MALT1: variants seen among roughly 807,000 people sequenced by gnomAD.
The protein encoded by MALT1 is mucosa-associated lymphoid tissue lymphoma translocation protein 1.
Under a neutral mutation model 85.5 loss-of-function variants are expected in MALT1, and 36 were observed. The ratio of observed to expected loss-of-function variants is 0.42; its 90% CI spans 0.32 to 0.56. The LOEUF is 0.56. MALT1 is among the 20% of genes least tolerant of loss of function. The pLI, the probability that MALT1 is intolerant of heterozygous loss-of-function variation, is 0.10. For missense variants in MALT1, 716 were observed against 981.6 expected (o/e 0.73, Z 3.62); for synonymous variants, 359 against 361.3 (o/e 0.99, Z 0.07).
intron 9 of MALT1, among the ~76,000 whole-genome samples, chr18:58,716,514 A>G (rs888938340): frequency 1.3e-5 from 2 of 152,254 alleles, no homozygotes; most frequent in Non-Finnish European, 2.9e-5. Flanking sequence ...CAGAAGCCAG[A>G]TAAAATATGT....
At position 58,745,807 on chromosome 18, in the gene MALT1, G is replaced by A; in HGVS notation, c.2037+16G>A. 2 of 1,601,758 alleles carry A rather than the reference G, an allele frequency of 1.2e-6. No homozygotes were observed. On this transcript the variant is annotated intron_variant, in intron 16 of 16. Transcript: ENST00000649217. ...AAAATTAAAGGTTACTACCTTTTCT[G>A]TTTATAGCTACTAATGGAAAACTTT...
At chr18:58,709,777 G>T (rs1204791805) in intron 5 of MALT1, among the ~76,000 whole-genome samples, 199 bp from the exon 6 acceptor site, 1 of 152,114 alleles carries the variant, frequency 6.6e-6, no homozygotes, top group East Asian at 1.9e-4. Flanking sequence ...AAATAGTATT[G>T]CATGAAACTC....
intron 6 of MALT1, among the ~76,000 whole-genome samples, chr18:58,710,595 G>A (rs973870910): frequency 2.6e-5 from 4 of 152,092 alleles, no homozygotes; most frequent in African/African-American, 4.8e-5. Flanking sequence ...GCTAAGGTGG[G>A]AGGATTGCTT....
At chr18:58,731,884 C>T (rs987984160) in intron 10 of MALT1, among the ~76,000 whole-genome samples, 1 of 152,114 alleles carries the variant, frequency 6.6e-6, no homozygotes, top group Non-Finnish European at 1.5e-5. Context: ...ATGATAACTT[C>T]CAGTGCACAC....
At chr18:58,734,571 G>A (rs781402635) in intron 12 of MALT1, 190 bp downstream of exon 12, 12 of 551,488 alleles carry the variant, frequency 2.2e-5, no homozygotes, top group Non-Finnish European at 3.9e-5. Context: ...TTACAGGCAT[G>A]TGCCACTGTG....
intron 2 of MALT1, chr18:58,691,387 G>T: frequency 1.6e-6 from 1 of 634,256 alleles, no homozygotes. Context: ...CTCCTCTGTG[G>T]CAATGACACC....
rs772171646 is a variant in MALT1 at position 58,745,738 on chromosome 18, GATC to G, written c.1985_1987del (p.Asp662_Leu663delinsVal). On this transcript the variant is annotated inframe_deletion, in exon 16 of 17. Transcript: ENST00000649217. ...AACTGGCAGCTACTTGGTATCAAAG[GATC>G]TTCCCAAGCATTGCCTCTATACCAG... 21 of 1,613,428 alleles carry G rather than the reference GATC, an allele frequency of 1.3e-5. No homozygotes were observed. Among genetic ancestry groups the G allele is most frequent in the Admixed American group, 3.3e-5 (2 of 59,978 alleles).
intron 10 of MALT1, among the ~76,000 whole-genome samples, chr18:58,725,300 C>T (rs1264346064): frequency 1.3e-5 from 2 of 151,838 alleles, no homozygotes; most frequent in African/African-American, 2.4e-5. Context: ...GCAGCCTAGG[C>T]GACAGAATGA....
At chr18:58,709,656 T>C (rs369718458) in intron 5 of MALT1, 100 bp downstream of exon 5, 6 of 977,750 alleles carry the variant, frequency 6.1e-6, no homozygotes, top group Non-Finnish European at 8.7e-6. Flanking sequence ...TCCTTTCAGA[T>C]GTTTTAATGT....
chr18:58,744,507 C>G lies in MALT1; in HGVS notation c.1911+12C>G. 11 of 1,576,100 alleles carry G rather than the reference C, an allele frequency of 7.0e-6. No homozygotes were observed. Among genetic ancestry groups the G allele is most frequent in the Non-Finnish European group, 9.5e-6 (11 of 1,157,952 alleles). On this transcript the variant is annotated intron_variant, in intron 15 of 16. Coordinates refer to ENST00000649217, the MANE Select transcript of MALT1 (RefSeq NM_006785.4). ...CTGATTTTCCACTTGTGAGTCTCTT[C>G]TTTTATTTAAAATACAGTGATATAT...
chr18:58,684,839 A>G (rs1359827860), intron 2 of MALT1, among the ~76,000 whole-genome samples: 1 of 152,204 alleles, frequency 6.6e-6, no homozygotes, highest in Non-Finnish European at 1.5e-5. Context: ...AATAAAAACT[A>G]TTTTAATTAT....
At chr18:58,691,113 C>T (rs918971222) in intron 2 of MALT1, 1 of 225,270 alleles carries the variant, frequency 4.4e-6, no homozygotes, top group Non-Finnish European at 9.0e-6. Context: ...CTGCCCCCGC[C>T]ATCTCCTCCA....
chr18:58,719,327 CTCTTTCTCTT>C (rs1272277300), intron 9 of MALT1, among the ~76,000 whole-genome samples: 2 of 116,758 alleles, frequency 1.7e-5, no homozygotes, highest in East Asian at 3.1e-4. Flanking sequence ...CTCTCTCTCT[CTCTTTCTCTT>C]CCTCTTACTC....
chr18:58,723,330 CAGATAA>C, intron 10 of MALT1, 79 bp downstream of exon 10: 1 of 1,021,794 alleles, frequency 9.8e-7, no homozygotes, highest in Non-Finnish European at 1.5e-6. Flanking sequence ...AATTGAAAAT[CAGATAA>C]AGATAAGGTA....
At chr18:58,729,117 A>G (rs1231394942) in intron 10 of MALT1, among the ~76,000 whole-genome samples, 3 of 152,234 alleles carry the variant, frequency 2.0e-5, no homozygotes, top group East Asian at 3.8e-4. Context: ...TGTTACATCT[A>G]TAGTCCAGAT....
intron 4 of MALT1, among the ~76,000 whole-genome samples, chr18:58,702,543 T>G (rs1252861833): frequency 6.6e-6 from 1 of 152,172 alleles, no homozygotes; most frequent in East Asian, 1.9e-4. Context: ...GTTCTATAAT[T>G]AGGATATGAA....
chr18:58,738,162 T>C (rs2055251581), intron 13 of MALT1, among the ~76,000 whole-genome samples: 1 of 152,184 alleles, frequency 6.6e-6, no homozygotes, highest in Non-Finnish European at 1.5e-5. Flanking sequence ...TCCTTTTTCG[T>C]TTTACATAGT....
At position 58,727,628 on chromosome 18, in the gene MALT1, G is replaced by GTTT. The variant is rs74183292; in HGVS notation, c.1222+4389_1222+4391dup. 9.3e-4 allele frequency among the ~76,000 whole-genome samples: 122 copies of GTTT among 130,628 alleles called. 1 individual carries two copies. Among genetic ancestry groups the GTTT allele is most frequent in the East Asian group, 1.7e-3 (8 of 4,588 alleles). The allele number at this position is 130,628 out of a possible 152,430, so 85.7% of individuals were successfully genotyped here. A position where few individuals can be genotyped will look rare whatever the true frequency, so the allele number is the denominator to read the frequency against. On this transcript the variant is annotated intron_variant, in intron 10 of 16. Coordinates refer to ENST00000649217, the MANE Select transcript of MALT1 (RefSeq NM_006785.4). ...AAAGGTTTTTTGTGTTTTTTTTTTTGTTTTTTTTTTTTTTGAGGAAAAAAA... is the reference window on the plus strand; with the variant it reads ...AAAGGTTTTTTGTGTTTTTTTTTTTGTTTTTTTTTTTTTTTTTGAGGAAAAAAA...
At chr18:58,734,121 A>G (rs1400820121) in intron 11 of MALT1, 186 bp from the exon 12 acceptor site, 1 of 1,323,420 alleles carries the variant, frequency 7.6e-7, no homozygotes, top group Non-Finnish European at 9.8e-7. Context: ...CTAGTTTTAA[A>G]GCTAACAAGG....
Sources: allele counts gnomAD v4.1 joint callset (sites outside exome capture counted in the v4.1 genomes callset), GRCh38; gene constraint gnomAD v4.1.1; transcripts MANE v1.5; gene names NCBI Gene and HGNC (gene_info 2026-07-23, HGNC 2026-07-21).